FHIT: variants seen among roughly 807,000 people sequenced by gnomAD.
The protein encoded by FHIT is fragile histidine triad diadenosine triphosphatase.
FHIT carries 19 observed loss-of-function variants against 17.9 expected under a neutral mutation model. The observed-to-expected ratio is 1.06, with a 90% CI of 0.74 to 1.56. The LOEUF is 1.56. Among genes scored for constraint, FHIT ranks in the 40% most tolerant of loss-of-function variants. The pLI, the probability that FHIT is intolerant of heterozygous loss-of-function variation, is 0.00. For missense variants in FHIT, 248 were observed against 189.2 expected, an observed-to-expected ratio of 1.31 and a Z score of -1.82; for synonymous variants, 81 against 69.7, an observed-to-expected ratio of 1.16 and a Z score of -0.81.
chr3:60,615,704 C>A (rs907312605), intron 4 of FHIT, among the ~76,000 whole-genome samples: 1 of 152,136 alleles, frequency 6.6e-6, no homozygotes, highest in East Asian at 1.9e-4. Flanking sequence ...ATAAAAGAAA[C>A]AATCTTAACC....
At chr3:60,036,857 A>G (rs914374809) in intron 5 of FHIT, among the ~76,000 whole-genome samples, 2 of 152,164 alleles carry the variant, frequency 1.3e-5, no homozygotes, top group Admixed American at 6.5e-5. Flanking sequence ...CTGCAATAAA[A>G]TTTCCGTTAA....
In FHIT at chr3:60,569,725, CTATATA is replaced by C. The variant is rs1219009137; in HGVS notation, c.-17-32752_-17-32747del. On this transcript the variant is annotated intron_variant, in intron 4 of 9. Coordinates refer to ENST00000492590, the MANE Select transcript of FHIT (RefSeq NM_002012.4). ...ATTTAGAGATATTTATTTATTAATA[CTATATA>C]TATATATATATATATATATATATAT... Among the ~76,000 whole-genome samples the C allele has an allele frequency of 7.4e-3, 289 of 39,100 alleles. 7 individuals are homozygous for C. The highest frequency in any genetic ancestry group is 0.027 in the African/African-American group (266 of 9,758). The allele number at this position is 39,100 out of a possible 152,430, so 25.7% of individuals were successfully genotyped here.
intron 7 of FHIT, among the ~76,000 whole-genome samples, chr3:59,969,381 C>G (rs1157512060): frequency 6.6e-6 from 1 of 152,052 alleles, no homozygotes; most frequent in African/African-American, 2.4e-5. Flanking sequence ...TCTATCCATA[C>G]AAAACAGTCC....
intron 2 of FHIT, among the ~76,000 whole-genome samples, chr3:61,045,706 G>A (rs541386657): frequency 2.0e-5 from 3 of 152,114 alleles, no homozygotes; most frequent in Admixed American, 6.6e-5. Flanking sequence ...GCACCACATC[G>A]TACTTATTCC....
chr3:61,072,514 C>T (rs993345318), intron 2 of FHIT, among the ~76,000 whole-genome samples: 1 of 152,054 alleles, frequency 6.6e-6, no homozygotes, highest in African/African-American at 2.4e-5. Context: ...CCGTTTCTGG[C>T]CTTCAGACAC....
intron 5 of FHIT, among the ~76,000 whole-genome samples, chr3:60,330,539 C>G (rs941415275): frequency 2.0e-5 from 3 of 152,222 alleles, no homozygotes; most frequent in African/African-American, 4.8e-5. Context: ...GGCCACGAAA[C>G]TCAGCACCTG....
chr3:60,768,496 G>T (rs1553722124), intron 4 of FHIT, among the ~76,000 whole-genome samples: 1 of 152,194 alleles, frequency 6.6e-6, no homozygotes, highest in Non-Finnish European at 1.5e-5. Flanking sequence ...ACAGAGGTTT[G>T]CATGGGCTGA....
At position 60,397,313 on chromosome 3, in the gene FHIT, G is replaced by A. The variant is rs961022496; in HGVS notation, c.103+139547C>T. Among the ~76,000 whole-genome samples, 3 of 152,246 alleles carry A rather than the reference G, an allele frequency of 2.0e-5. No individual in the cohort carries two copies. The East Asian group carries it at 5.8e-4, about 29-fold the overall frequency. On this transcript the variant is annotated intron_variant, in intron 5 of 9. Transcript: ENST00000492590. ...CTGGGGGAGGAAAGCAGGGTAGGAA[G>A]GAAGAACTTCCAGACCATGATGCTA...
At chr3:59,989,537 G>C (rs989266145) in intron 7 of FHIT, among the ~76,000 whole-genome samples, 1 of 152,160 alleles carries the variant, frequency 6.6e-6, no homozygotes, top group East Asian at 1.9e-4. Context: ...GTCTCTGAGG[G>C]CTGGGCATGT....
At chr3:61,207,519 G>A (rs1020202923) in intron 1 of FHIT, among the ~76,000 whole-genome samples, 1 of 152,130 alleles carries the variant, frequency 6.6e-6, no homozygotes, top group African/African-American at 2.4e-5. Context: ...TCTATTCAGA[G>A]ATTCAACTTC....
intron 8 of FHIT, among the ~76,000 whole-genome samples, chr3:59,758,172 T>C (rs1373507515): frequency 5.3e-5 from 8 of 152,300 alleles, no homozygotes; most frequent in East Asian, 3.9e-4. Flanking sequence ...GCTTAAAAGA[T>C]GGTAATGAGA....
chr3:60,654,175 C>CGT (rs1191540789), intron 4 of FHIT, among the ~76,000 whole-genome samples: 8 of 152,166 alleles, frequency 5.3e-5, no homozygotes, highest in Admixed American at 5.2e-4. Context: ...GAGCCAGCAC[C>CGT]GTGCTTCCTG....
At chr3:59,974,396 TA>T (rs1275936787) in intron 7 of FHIT, among the ~76,000 whole-genome samples, 1 of 152,224 alleles carries the variant, frequency 6.6e-6, no homozygotes, top group Non-Finnish European at 1.5e-5. Context: ...GCTTCATTTC[TA>T]CAATTAAACA....
rs572202561 is a variant in FHIT, at chr3:61,175,254, C to A, written c.-164+25363G>T. 1.5e-3 allele frequency among the ~76,000 whole-genome samples: 231 copies of A among 152,222 alleles called. 7 individuals carry two copies. In the South Asian group the frequency reaches 0.047, roughly 31 times the overall value. ...TAACAGTAGTTCAAGTAATTTAAACCTGTATTCTCTCCTGAAGAAATACCA... is the reference window on the plus strand; with the variant it reads ...TAACAGTAGTTCAAGTAATTTAAACATGTATTCTCTCCTGAAGAAATACCA... On this transcript the variant is annotated intron_variant, in intron 2 of 9. Coordinates refer to ENST00000492590, the MANE Select transcript of FHIT (RefSeq NM_002012.4).
intron 5 of FHIT, among the ~76,000 whole-genome samples, chr3:60,500,035 T>G (rs938437734): frequency 3.3e-5 from 5 of 152,238 alleles, no homozygotes; most frequent in African/African-American, 1.2e-4. Flanking sequence ...ACCTGGGGTC[T>G]GGCACATAGC....
intron 5 of FHIT, among the ~76,000 whole-genome samples, chr3:60,441,791 T>TATATTTATATATATAAA: frequency 8.6e-6 from 1 of 116,832 alleles, no homozygotes; most frequent in Middle Eastern, 4.2e-3. Flanking sequence ...AAAATATATA[T>TATATTTATATATATAAA]ATATATATAT....
At chr3:60,636,690 G>A (rs145023214) in intron 4 of FHIT, among the ~76,000 whole-genome samples, 17 of 152,278 alleles carry the variant, frequency 1.1e-4, no homozygotes, top group Admixed American at 5.9e-4. Context: ...CACCTCTCCA[G>A]CGTCCTGTGC....
chr3:60,849,348 T>A (rs1206995678), intron 3 of FHIT, among the ~76,000 whole-genome samples: 4 of 151,284 alleles, frequency 2.6e-5, no homozygotes, highest in Non-Finnish European at 5.9e-5. Flanking sequence ...ATTCTTTCCA[T>A]AGGAACAGAC....
chr3:60,676,787 G>A (rs2040629573), intron 4 of FHIT, among the ~76,000 whole-genome samples: 3 of 152,066 alleles, frequency 2.0e-5, no homozygotes, highest in South Asian at 4.2e-4. Flanking sequence ...GAACCAGGAG[G>A]TGCCATTATG....
Sources: allele counts gnomAD v4.1 joint callset (sites outside exome capture counted in the v4.1 genomes callset), GRCh38; gene constraint gnomAD v4.1.1; transcripts MANE v1.5; gene names NCBI Gene and HGNC (gene_info 2026-07-23, HGNC 2026-07-21).